EGLN1: variants seen among roughly 807,000 people sequenced by gnomAD.
EGLN1 encodes the protein egl-9 family hypoxia inducible factor 1, also known as egl nine homolog 1.
EGLN1 carries 17 observed loss-of-function variants against 38.3 expected under a neutral mutation model. That is an observed-to-expected ratio of 0.44 (90% CI 0.30 to 0.67). EGLN1 has a LOEUF of 0.67. Among genes scored for constraint, EGLN1 ranks in the 30% least tolerant of loss-of-function variants. EGLN1 has a pLI of 0.08. For missense variants in EGLN1, 477 were observed against 603.3 expected (o/e 0.79, Z 2.19); for synonymous variants, 283 against 257.5 (o/e 1.10, Z -0.95).
intron 1 of EGLN1, among the ~76,000 whole-genome samples, chr1:231,410,622 T>C (rs1008077017): frequency 2.6e-5 from 4 of 151,856 alleles, no homozygotes; most frequent in Admixed American, 2.0e-4. Flanking sequence ...TCTAGAAATA[T>C]AGATGTTCAA....
intron 1 of EGLN1, among the ~76,000 whole-genome samples, chr1:231,416,623 C>T (rs1689090010): frequency 6.6e-6 from 1 of 152,090 alleles, no homozygotes; most frequent in African/African-American, 2.4e-5. Context: ...GCCTCAGCCC[C>T]TCAAAATGCT....
chr1:231,379,598 T>G (rs1476563153), intron 1 of EGLN1, among the ~76,000 whole-genome samples: 1 of 152,202 alleles, frequency 6.6e-6, no homozygotes, highest in African/African-American at 2.4e-5. Flanking sequence ...GAGCCAGCCT[T>G]GGGCAGGACG....
chr1:231,403,709 G>A (rs1394527144), intron 1 of EGLN1, among the ~76,000 whole-genome samples: 1 of 147,722 alleles, frequency 6.8e-6, no homozygotes, highest in Non-Finnish European at 1.5e-5. Context: ...CTGGGAAGAG[G>A]TGGAGGTTGC....
At chr1:231,418,863 A>C (rs1656447398) in intron 1 of EGLN1, among the ~76,000 whole-genome samples, 1 of 130,804 alleles carries the variant, frequency 7.6e-6, no homozygotes, top group Admixed American at 7.6e-5. Flanking sequence ...CCCTGTCTCC[A>C]AAAAAAAAAA....
At position 231,364,134 on chromosome 1, in the gene EGLN1, A is replaced by C. The variant is rs1451389948; in HGVS notation, c.*2277T>G. The C allele has an allele frequency of 6.6e-6, 1 of 152,206 alleles. No homozygotes were observed. Among genetic ancestry groups the C allele is most frequent in the Non-Finnish European group, 1.5e-5 (1 of 68,036 alleles). The allele number at this position is 152,206 out of a possible 1,614,324, so 9.4% of individuals were successfully genotyped here. On this transcript the variant is annotated 3_prime_UTR_variant, in exon 5 of 5. Transcript: ENST00000366641. Reference sequence around the variant, plus strand: ...CACAATGATTCCTAAGAGAGTATATAAACTTTTCCAAAAAATATACAATTT... The same window carrying C: ...CACAATGATTCCTAAGAGAGTATATCAACTTTTCCAAAAAATATACAATTT...
At position 231,421,932 on chromosome 1, in the gene EGLN1, G is replaced by T; in HGVS notation, c.-44C>A. 1 of 1,356,056 alleles carries T rather than the reference G, an allele frequency of 7.4e-7. No individual in the cohort carries two copies. The highest frequency in any genetic ancestry group is 9.4e-7 in the Non-Finnish European group (1 of 1,065,788). 84.0% of individuals were successfully genotyped at this position (1,356,056 alleles called of 1,614,324 possible). ...GACGGCGACTGCGGCGGCCGAGCAG[G>T]AGGGGTAGCGGCCGGACGGCCTCGC... On this transcript the variant is annotated 5_prime_UTR_variant, in exon 1 of 5. Transcript: ENST00000366641. This position sits in a 1 kb window ranked among gnomAD's most constrained non-coding sequence, Gnocchi z 5.5.
intron 1 of EGLN1, among the ~76,000 whole-genome samples, chr1:231,377,736 A>G (rs372233145): frequency 6.6e-6 from 1 of 152,298 alleles, no homozygotes; most frequent in South Asian, 2.1e-4. Flanking sequence ...AGAGCCCTGG[A>G]GCCCTAGGGA....
At chr1:231,407,623 T>C (rs1189981857) in intron 1 of EGLN1, among the ~76,000 whole-genome samples, 1 of 152,090 alleles carries the variant, frequency 6.6e-6, no homozygotes, top group Non-Finnish European at 1.5e-5. Flanking sequence ...CACACACCAT[T>C]GGTAGGGGTG....
At chr1:231,402,625 G>T (rs1454901206) in intron 1 of EGLN1, among the ~76,000 whole-genome samples, 1 of 151,926 alleles carries the variant, frequency 6.6e-6, no homozygotes, top group African/African-American at 2.4e-5. Context: ...AGTAGAGACA[G>T]GGTTTCACCA....
chr1:231,416,880 T>C (rs1320293976), intron 1 of EGLN1, among the ~76,000 whole-genome samples: 1 of 152,246 alleles, frequency 6.6e-6, no homozygotes, highest in Non-Finnish European at 1.5e-5. Flanking sequence ...GTAACTCACT[T>C]TTAACTTAAA....
intron 1 of EGLN1, among the ~76,000 whole-genome samples, chr1:231,392,495 T>C (rs867868783): frequency 3.3e-5 from 5 of 152,110 alleles, no homozygotes; most frequent in Non-Finnish European, 5.9e-5. Context: ...CCAGTGTAAC[T>C]AGACAAAATG....
At chr1:231,414,078 A>G (rs534729826) in intron 1 of EGLN1, among the ~76,000 whole-genome samples, 1 of 152,298 alleles carries the variant, frequency 6.6e-6, no homozygotes, top group African/African-American at 2.4e-5. Flanking sequence ...TTTTTTTTAG[A>G]AGAGATTTAG....
At chr1:231,420,822 C>T (rs1202203193) in intron 1 of EGLN1, among the ~76,000 whole-genome samples, 176 bp downstream of exon 1, 2 of 152,128 alleles carry the variant, frequency 1.3e-5, no homozygotes, top group East Asian at 3.9e-4. Context: ...AAGGGGCTAA[C>T]TAGATAAACA....
chr1:231,373,447 A>G (rs2102897514), intron 2 of EGLN1, among the ~76,000 whole-genome samples: 1 of 152,352 alleles, frequency 6.6e-6, no homozygotes, highest in African/African-American at 2.4e-5. Context: ...GTTAGATTTT[A>G]GATAAGTGCT....
chr1:231,367,940 T>C (rs1687698433), intron 3 of EGLN1, among the ~76,000 whole-genome samples: 1 of 152,096 alleles, frequency 6.6e-6, no homozygotes. Context: ...TCCCAGCACT[T>C]CGGGAGGCCG....
intron 3 of EGLN1, chr1:231,369,468 C>A: frequency 1.8e-6 from 1 of 560,226 alleles, no homozygotes; most frequent in Non-Finnish European, 2.3e-6. Flanking sequence ...GGGGCAGAGA[C>A]AGCACTGGGA....
chr1:231,406,980 A>G (rs543606995), intron 1 of EGLN1, among the ~76,000 whole-genome samples: 2 of 152,316 alleles, frequency 1.3e-5, no homozygotes, highest in African/African-American at 4.8e-5. Flanking sequence ...ACCCAAAACT[A>G]CAACCACTCT....
intron 1 of EGLN1, among the ~76,000 whole-genome samples, chr1:231,402,452 T>G (rs1419073402): frequency 1.3e-5 from 2 of 151,696 alleles, no homozygotes; most frequent in East Asian, 3.9e-4. Context: ...TTTTTTTTTT[T>G]GAGATGGAGT....
intron 1 of EGLN1, among the ~76,000 whole-genome samples, chr1:231,383,338 G>A (rs939821472): frequency 6.6e-6 from 1 of 152,088 alleles, no homozygotes; most frequent in Non-Finnish European, 1.5e-5. Flanking sequence ...AACAACTACT[G>A]GCTCAGGTCA....
Sources: gnomAD v4.1 joint callset for allele counts (sites outside exome capture counted in the v4.1 genomes callset) on GRCh38, gnomAD v4.1.1 for gene constraint, Gnocchi (gnomAD v3.1) non-coding constraint, MANE v1.5 for transcripts, NCBI Gene and HGNC (gene_info 2026-07-23, HGNC 2026-07-21) for gene names.